Variants in SLC24A3 observed in about 807,000 individuals in gnomAD.
SLC24A3 encodes sodium/potassium/calcium exchanger 3.
A neutral mutation model predicts 75.8 loss-of-function variants in SLC24A3; 28 were observed. That is an observed-to-expected ratio of 0.37 (90% CI 0.27 to 0.51). The LOEUF (loss-of-function observed/expected upper bound fraction) is 0.51, where lower values mean the gene tolerates loss of function less well. SLC24A3 is among the 20% of genes least tolerant of loss of function. SLC24A3 has a pLI of 0.94. For synonymous variants in SLC24A3, 372 were observed against 334.1 expected (o/e 1.11, Z -1.24); for missense variants, 663 against 847.8 (o/e 0.78, Z 2.71).
intron 2 of SLC24A3, among the ~76,000 whole-genome samples, chr20:19,346,383 G>GGTGTATATATATGTGGTGTATATATATA (rs1568595983): frequency 7.8e-6 from 1 of 127,416 alleles, no homozygotes; most frequent in East Asian, 2.8e-4. Flanking sequence ...GTATATATAT[G>GGTGTATATATATGTGGTGTATATATATA]GTATATATAT....
chr20:19,543,559 G>A (rs1343148715), intron 3 of SLC24A3, among the ~76,000 whole-genome samples: 1 of 152,146 alleles, frequency 6.6e-6, no homozygotes. Context: ...CGGGGAGGGA[G>A]GCCAACCTGC....
At chr20:19,679,572 G>T (rs925205681) in intron 9 of SLC24A3, among the ~76,000 whole-genome samples, 1 of 148,084 alleles carries the variant, frequency 6.8e-6, no homozygotes, top group South Asian at 2.1e-4. Flanking sequence ...AGAGGGAGAC[G>T]GAGACGGAGA....
chr20:19,382,927 A>G (rs970900454), intron 2 of SLC24A3, among the ~76,000 whole-genome samples: 11 of 152,148 alleles, frequency 7.2e-5, no homozygotes, highest in African/African-American at 2.7e-4. Context: ...TCAACTCTGT[A>G]CAATTACCCC....
At chr20:19,349,609 G>A (rs1985520558) in intron 2 of SLC24A3, among the ~76,000 whole-genome samples, 1 of 152,278 alleles carries the variant, frequency 6.6e-6, no homozygotes, top group South Asian at 2.1e-4. Flanking sequence ...CCTATTCGAT[G>A]GGATGGCTCT....
At chr20:19,638,897 C>T (rs898532756) in intron 6 of SLC24A3, among the ~76,000 whole-genome samples, 4 of 152,072 alleles carry the variant, frequency 2.6e-5, no homozygotes, top group Non-Finnish European at 5.9e-5. Context: ...TGCAGACCTT[C>T]GCAGTGAGTA....
chr20:19,217,978 A>G (rs1981608926), intron 1 of SLC24A3, among the ~76,000 whole-genome samples: 1 of 152,096 alleles, frequency 6.6e-6, no homozygotes, highest in South Asian at 2.1e-4. Flanking sequence ...GATTTGGGTG[A>G]TATCTCCTCT....
intron 3 of SLC24A3, among the ~76,000 whole-genome samples, chr20:19,538,053 G>A (rs2030432550): frequency 1.3e-5 from 2 of 151,930 alleles, no homozygotes; most frequent in African/African-American, 2.4e-5. Flanking sequence ...AAAAAAATGG[G>A]GGTAGTTTGG....
intron 2 of SLC24A3, among the ~76,000 whole-genome samples, chr20:19,455,563 C>T (rs919441979): frequency 1.3e-5 from 2 of 152,144 alleles, no homozygotes; most frequent in Non-Finnish European, 2.9e-5. Flanking sequence ...ACCAATACAC[C>T]AGGAGCAATC....
chr20:19,339,822 C>A (rs1374932722), intron 2 of SLC24A3, among the ~76,000 whole-genome samples: 2 of 152,216 alleles, frequency 1.3e-5, no homozygotes, highest in Non-Finnish European at 2.9e-5. Flanking sequence ...GCTTAACCAA[C>A]AGCACATTGG....
chr20:19,594,858 A>C (rs1474732332), intron 6 of SLC24A3, among the ~76,000 whole-genome samples: 2 of 151,788 alleles, frequency 1.3e-5, no homozygotes, highest in East Asian at 3.9e-4. Flanking sequence ...CATGAGAGAG[A>C]AGTTACTGTG....
At chr20:19,687,710 G>A (rs999152194) in intron 12 of SLC24A3, among the ~76,000 whole-genome samples, 1 of 152,172 alleles carries the variant, frequency 6.6e-6, no homozygotes, top group African/African-American at 2.4e-5. Context: ...ACCAAGTCTG[G>A]CCCAGTGCCT....
At chr20:19,542,002 C>T (rs1174567604) in intron 3 of SLC24A3, among the ~76,000 whole-genome samples, 1 of 152,118 alleles carries the variant, frequency 6.6e-6, no homozygotes, top group African/African-American at 2.4e-5. Context: ...AACGCAATAC[C>T]AAATGAGAAT....
rs549628342 is a variant in SLC24A3 at position 19,469,699 on chromosome 20, C to A, written c.272-45789C>A. On this transcript the variant is annotated intron_variant, in intron 2 of 16. Transcript: ENST00000328041. ...AAATGAGAGTCAATGTACTTCTTGG[C>A]TTCCTAAATCCATTCTCGTGCTAGT... Among the ~76,000 whole-genome samples the A allele has an allele frequency of 6.5e-4, 99 of 152,336 alleles. No individual in the cohort carries two copies. In the South Asian group the frequency reaches 0.019, roughly 29 times the overall value.
chr20:19,276,584 G>A (rs1345388702), intron 1 of SLC24A3, among the ~76,000 whole-genome samples: 1 of 152,246 alleles, frequency 6.6e-6, no homozygotes, highest in East Asian at 1.9e-4. Context: ...TCTAAATACA[G>A]CAAAGGGACA....
At chr20:19,683,908 A>G (rs140960362) in intron 10 of SLC24A3, among the ~76,000 whole-genome samples, 188 of 152,260 alleles carry the variant, frequency 1.2e-3, no homozygotes, top group African/African-American at 4.4e-3. Flanking sequence ...ATGAATGGAA[A>G]GAAGGAAGGA....
chr20:19,540,108 C>T (rs2030469209), intron 3 of SLC24A3, among the ~76,000 whole-genome samples: 1 of 152,146 alleles, frequency 6.6e-6, no homozygotes, highest in Admixed American at 6.5e-5. Flanking sequence ...GGCAGAAAGT[C>T]AGAGAGAACT....
chr20:19,456,023 TC>T (rs1987572160), intron 2 of SLC24A3, among the ~76,000 whole-genome samples: 2 of 152,298 alleles, frequency 1.3e-5, no homozygotes, highest in African/African-American at 4.8e-5. Flanking sequence ...GGTAAGTACA[TC>T]CCACCCAGGA....
chr20:19,630,263 C>G (rs1243760863), intron 6 of SLC24A3, among the ~76,000 whole-genome samples: 1 of 152,142 alleles, frequency 6.6e-6, no homozygotes, highest in African/African-American at 2.4e-5. Flanking sequence ...ATTAAGACAG[C>G]TAGTAACTTT....
intron 2 of SLC24A3, among the ~76,000 whole-genome samples, chr20:19,316,782 C>G (rs1000289869): frequency 6.6e-6 from 1 of 152,170 alleles, no homozygotes; most frequent in Non-Finnish European, 1.5e-5. Flanking sequence ...CCAATTAACT[C>G]TCTTTGCAAA....
Sources: gnomAD v4.1 joint callset for allele counts (sites outside exome capture counted in the v4.1 genomes callset) on GRCh38, gnomAD v4.1.1 for gene constraint, MANE v1.5 for transcripts, NCBI Gene and HGNC (gene_info 2026-07-23, HGNC 2026-07-21) for gene names.